Variants in ZNF469 observed in about 807,000 individuals in gnomAD.
The protein encoded by ZNF469 is zinc finger protein 469.
ZNF469 carries 1 observed loss-of-function variant against 1.0 expected under a neutral mutation model. The ratio of observed to expected loss-of-function variants is 1.00; its 90% CI spans 0.35 to 4.73. The LOEUF (loss-of-function observed/expected upper bound fraction) is 4.73, where lower values mean the gene tolerates loss of function less well. ZNF469 is among the 30% of genes most tolerant of loss of function. ZNF469 has a pLI of 0.16. For missense variants in ZNF469, 6,100 were observed against 5,356.3 expected, an observed-to-expected ratio of 1.14 and a Z score of -4.33; for synonymous variants, 2,703 against 2,363.4, an observed-to-expected ratio of 1.14 and a Z score of -4.17.
chr16:88,427,992 C>A lies in ZNF469; in HGVS notation c.522C>A (p.Ala174=). The change falls in exon 3 of 3, where the codon GCC becomes GCA. Residue 174 remains alanine, a synonymous_variant. Transcript: ENST00000565624. The part of the protein sequence containing the change: ...PGLPRTEAQP[A]AEELGFHRCF... ...TCCCAAGGACTGAGGCCCAACCCGC[C>A]GCCGAAGAGCTTGGCTTCCACAGGT... is the stretch of plus-strand genomic sequence containing the variant. The A allele has an allele frequency of 6.5e-7, 1 of 1,550,038 alleles. No individual in the cohort carries two copies. Among genetic ancestry groups the A allele is most frequent in the Non-Finnish European group, 8.7e-7 (1 of 1,146,894 alleles).
the ZNF469 span, among the ~76,000 whole-genome samples, chr16:88,186,814 C>A: frequency 5.3e-5 from 8 of 152,148 alleles, no homozygotes; most frequent in East Asian, 1.2e-3. Context: ...AGGGTTCTGG[C>A]GGGGCGGGGG....
At chr16:88,197,520 G>C in the ZNF469 span, among the ~76,000 whole-genome samples, 1 of 152,216 alleles carries the variant, frequency 6.6e-6, no homozygotes, top group Non-Finnish European at 1.5e-5. Context: ...GGGATGGCAC[G>C]ATCAGTTTGC....
chr16:88,362,350 A>G, the ZNF469 span, among the ~76,000 whole-genome samples: 1 of 152,086 alleles, frequency 6.6e-6, no homozygotes, highest in Non-Finnish European at 1.5e-5. Flanking sequence ...GATGTTCTCC[A>G]TTTCCTCCAG....
At chr16:88,249,439 T>C in the ZNF469 span, among the ~76,000 whole-genome samples, 4 of 63,078 alleles carry the variant, frequency 6.3e-5, no homozygotes, top group South Asian at 5.1e-4. Flanking sequence ...CTTTTTTTTT[T>C]TTTTTTTTTT....
rs1599341602 is a variant in ZNF469, at chr16:88,383,000, C to T, written c.-446C>T. On this transcript the variant is annotated 5_prime_UTR_variant, in exon 1 of 3. Transcript: ENST00000565624. ...GGCCGGCGTCCGGCCTTCCCAGCAC[C>T]CGGCCCAGGGCTGGAGCTGGCTGCA... 6.6e-6 allele frequency among the ~76,000 whole-genome samples: 1 copy of T among 151,944 alleles called. No individual in the cohort carries two copies. Among genetic ancestry groups the T allele is most frequent in the South Asian group, 2.1e-4 (1 of 4,838 alleles).
the ZNF469 span, among the ~76,000 whole-genome samples, chr16:88,130,111 G>T: frequency 6.6e-6 from 1 of 152,174 alleles, no homozygotes; most frequent in Non-Finnish European, 1.5e-5. Context: ...TGGGCTCAAG[G>T]ACCATTACCA....
At chr16:88,283,779 C>A in the ZNF469 span, among the ~76,000 whole-genome samples, 2 of 149,164 alleles carry the variant, frequency 1.3e-5, no homozygotes, top group East Asian at 4.0e-4. Flanking sequence ...CCGAGGTCTG[C>A]GGAGGCTGGT....
At chr16:88,420,565 C>G (rs952899940) in intron 1 of ZNF469, among the ~76,000 whole-genome samples, 2 of 152,212 alleles carry the variant, frequency 1.3e-5, no homozygotes, top group Admixed American at 1.3e-4. Context: ...GGATGGCCAC[C>G]AGGATGTGGA....
intron 1 of ZNF469, among the ~76,000 whole-genome samples, chr16:88,390,923 C>T (rs1382892403): frequency 1.3e-5 from 2 of 152,236 alleles, no homozygotes; most frequent in South Asian, 4.1e-4. Context: ...AGAACTGAAA[C>T]CTCTGGCAGC....
chr16:88,368,052 A>G, the ZNF469 span, among the ~76,000 whole-genome samples: 1 of 152,208 alleles, frequency 6.6e-6, no homozygotes, highest in Non-Finnish European at 1.5e-5. Context: ...ATCCAATATT[A>G]TTTTAGGACT....
the ZNF469 span, among the ~76,000 whole-genome samples, chr16:88,236,460 A>G: frequency 3.3e-5 from 5 of 152,260 alleles, no homozygotes; most frequent in African/African-American, 7.2e-5. Context: ...GCGGGTATAA[A>G]GAGACGTGTC....
At chr16:88,403,874 T>A (rs1280242006) in intron 1 of ZNF469, among the ~76,000 whole-genome samples, 1 of 152,058 alleles carries the variant, frequency 6.6e-6, no homozygotes, top group African/African-American at 2.4e-5. Flanking sequence ...TCAGCCTGGT[T>A]CAAAAGCAAA....
At chr16:88,256,410 G>A in the ZNF469 span, among the ~76,000 whole-genome samples, 1 of 152,200 alleles carries the variant, frequency 6.6e-6, no homozygotes, top group Non-Finnish European at 1.5e-5. Context: ...GCTGAATAAT[G>A]CTCCACTGTC....
At chr16:88,283,265 C>T in the ZNF469 span, among the ~76,000 whole-genome samples, 2 of 151,362 alleles carry the variant, frequency 1.3e-5, no homozygotes, top group South Asian at 4.2e-4. Flanking sequence ...AACCCATTGA[C>T]TTGTACGCTT....
In ZNF469 at chr16:88,438,813, C is replaced by G. The variant is rs932252753; in HGVS notation, c.11343C>G (p.Pro3781=). ...GGAGCCCTGCACCAGAGAGGCTCCC[C>G]GCTCGAGCCCAAGCCAAGAGCTGCA... ...PSRSPAPERL[P]ARAQAKSCTK... The change falls in exon 3 of 3, where the codon CCC becomes CCG. Residue 3781 remains proline, a synonymous_variant. Coordinates refer to ENST00000565624, the MANE Select transcript of ZNF469 (RefSeq NM_001367624.2). 1 of 1,550,178 alleles carries G rather than the reference C, an allele frequency of 6.5e-7. No homozygotes were observed. The highest frequency in any genetic ancestry group is 8.7e-7 in the Non-Finnish European group (1 of 1,146,968).
the ZNF469 span, among the ~76,000 whole-genome samples, chr16:88,347,290 G>C: frequency 6.6e-6 from 1 of 152,080 alleles, no homozygotes; most frequent in African/African-American, 2.4e-5. Flanking sequence ...CCCCACACCC[G>C]TGCACGGGCC....
chr16:88,350,984 C>G, the ZNF469 span, among the ~76,000 whole-genome samples: 4 of 152,248 alleles, frequency 2.6e-5, no homozygotes, highest in African/African-American at 9.6e-5. Flanking sequence ...ATGTGTGTTC[C>G]AAGCCTCCAA....
At chr16:88,149,437 C>T in the ZNF469 span, among the ~76,000 whole-genome samples, 4 of 152,182 alleles carry the variant, frequency 2.6e-5, no homozygotes, top group African/African-American at 7.2e-5. Context: ...TGTCGGCCCC[C>T]GCCTCTCCTG....
At chr16:88,173,858 T>C in the ZNF469 span, among the ~76,000 whole-genome samples, 3,488 of 151,748 alleles carry the variant, frequency 0.023, 59 homozygotes, top group Middle Eastern at 0.065. Context: ...AATAATTCAA[T>C]AGTAGGATAA....
Sources: allele counts gnomAD v4.1 joint callset (sites outside exome capture counted in the v4.1 genomes callset), GRCh38; gene constraint gnomAD v4.1.1; transcripts MANE v1.5; gene names NCBI Gene and HGNC (gene_info 2026-07-23, HGNC 2026-07-21).